GDPD4: variants seen among roughly 807,000 people sequenced by gnomAD.
GDPD4 encodes the protein glycerophosphodiester phosphodiesterase 6.
Under a neutral mutation model 67.8 loss-of-function variants are expected in GDPD4, and 60 were observed. That is an observed-to-expected ratio of 0.88 (90% CI 0.72 to 1.10). The LOEUF is 1.10. Among genes scored for constraint, GDPD4 ranks in the 50% least tolerant of loss-of-function variants. The pLI, the probability that GDPD4 is intolerant of heterozygous loss-of-function variation, is 0.00. For synonymous variants in GDPD4, 212 were observed against 210.9 expected (o/e 1.00, Z -0.04); for missense variants, 623 against 613.9 (o/e 1.01, Z -0.16).
chr11:77,247,606 A>G (rs118011633), intron 11 of GDPD4, among the ~76,000 whole-genome samples: 5,453 of 152,308 alleles, frequency 0.036, 142 homozygotes, highest in Non-Finnish European at 0.052. Flanking sequence ...AACAAGCTAG[A>G]AATGAAAATA....
At chr11:77,283,369 C>T (rs572712582) in intron 3 of GDPD4, among the ~76,000 whole-genome samples, 1 of 152,152 alleles carries the variant, frequency 6.6e-6, no homozygotes, top group African/African-American at 2.4e-5. Flanking sequence ...CTTACCACCA[C>T]CACGCTATTT....
intron 13 of GDPD4, among the ~76,000 whole-genome samples, chr11:77,243,446 T>G (rs752867037): frequency 8.6e-5 from 12 of 140,074 alleles, no homozygotes; most frequent in Middle Eastern, 3.8e-3. Flanking sequence ...GGTGAAAGAT[T>G]AGAGTACACA....
At chr11:77,217,827 C>G (rs1450515868) in intron 16 of GDPD4, among the ~76,000 whole-genome samples, 3 of 152,066 alleles carry the variant, frequency 2.0e-5, no homozygotes, top group Non-Finnish European at 2.9e-5. Context: ...CTACCAAAGA[C>G]AAATTAAAAA....
chr11:77,277,844 A>T (rs201525454), intron 4 of GDPD4, among the ~76,000 whole-genome samples: 233 of 136,366 alleles, frequency 1.7e-3, no homozygotes, highest in South Asian at 2.8e-3. Context: ...TCAATTTTAG[A>T]TCTTTCCTGC....
intron 13 of GDPD4, among the ~76,000 whole-genome samples, chr11:77,242,065 C>G (rs1419429205): frequency 2.1e-5 from 3 of 143,450 alleles, no homozygotes; most frequent in South Asian, 4.8e-4. Context: ...AATGTTGGGT[C>G]AAAAGGTATA....
At chr11:77,234,425 T>C (rs1958512342) in intron 13 of GDPD4, among the ~76,000 whole-genome samples, 1 of 152,196 alleles carries the variant, frequency 6.6e-6, no homozygotes, top group Non-Finnish European at 1.5e-5. Context: ...TGCATGATAC[T>C]GAGGTTTGAA....
intron 2 of GDPD4, among the ~76,000 whole-genome samples, chr11:77,285,835 A>G (rs1565543788): frequency 6.6e-6 from 1 of 152,226 alleles, no homozygotes; most frequent in Non-Finnish European, 1.5e-5. Context: ...ACTAGAACCC[A>G]GATCTGTGTA....
At chr11:77,236,887 T>C (rs1958579926) in intron 13 of GDPD4, among the ~76,000 whole-genome samples, 2 of 152,218 alleles carry the variant, frequency 1.3e-5, no homozygotes, top group Non-Finnish European at 2.9e-5. Context: ...GGAATAAGTC[T>C]TGATCTTGAG....
chr11:77,278,682 C>A (rs1281452959), intron 4 of GDPD4, among the ~76,000 whole-genome samples: 39 of 152,216 alleles, frequency 2.6e-4, no homozygotes, highest in Admixed American at 2.6e-3. Flanking sequence ...AGAAAGTTAT[C>A]TGCCCTATGT....
chr11:77,250,883 T>G (rs1196425907), intron 11 of GDPD4, among the ~76,000 whole-genome samples: 1 of 152,218 alleles, frequency 6.6e-6, no homozygotes, highest in Admixed American at 6.5e-5. Context: ...CTTGGTGAAT[T>G]GATCACTTTA....
chr11:77,222,893 C>T (rs1324065507), intron 16 of GDPD4, among the ~76,000 whole-genome samples: 2 of 152,216 alleles, frequency 1.3e-5, no homozygotes, highest in Admixed American at 1.3e-4. Flanking sequence ...TTGGTCTTTT[C>T]ACGTAGTCCC....
intron 5 of GDPD4, among the ~76,000 whole-genome samples, chr11:77,273,830 C>G (rs781117596): frequency 6.6e-6 from 1 of 152,190 alleles, no homozygotes; most frequent in East Asian, 1.9e-4. Context: ...CTATGATCAG[C>G]TAACCTACTC....
intron 3 of GDPD4, among the ~76,000 whole-genome samples, chr11:77,280,339 T>G (rs569696142): frequency 1.3e-5 from 2 of 152,162 alleles, no homozygotes; most frequent in East Asian, 3.9e-4. Context: ...AAAGGAATGA[T>G]TCACATCCAT....
At chr11:77,244,255 G>A (rs113041952) in intron 12 of GDPD4, among the ~76,000 whole-genome samples, 21 of 152,176 alleles carry the variant, frequency 1.4e-4, no homozygotes, top group South Asian at 2.1e-4. Flanking sequence ...GGATGGTCTC[G>A]ATCTCCTGAC....
chr11:77,218,184 A>G (rs1490691838), intron 16 of GDPD4, among the ~76,000 whole-genome samples: 2 of 151,630 alleles, frequency 1.3e-5, no homozygotes, highest in Middle Eastern at 3.2e-3. Context: ...CAATATCTTT[A>G]TAACTTTTCT....
At chr11:77,240,818 G>A (rs1958649226) in intron 13 of GDPD4, among the ~76,000 whole-genome samples, 3 of 152,060 alleles carry the variant, frequency 2.0e-5, no homozygotes, top group Admixed American at 1.3e-4. Flanking sequence ...AGCATATGAA[G>A]AAAACACTCA....
Position 77,216,567 on chromosome 11 carries a change from G to C in GDPD4, c.*710C>G, listed in dbSNP as rs1591519382. On this transcript the variant is annotated 3_prime_UTR_variant, in exon 17 of 17. Transcript: ENST00000315938. ...GACCACTACCTCTGGCTTCCTGAGA[G>C]GTTGCCTTTACTTATATGCACAGTC... 3.9e-6 allele frequency: 1 copy of C among 257,124 alleles called. No homozygotes were observed. Among genetic ancestry groups the C allele is most frequent in the East Asian group, 9.4e-5 (1 of 10,666 alleles). The allele number at this position is 257,124 out of a possible 1,614,324, so 15.9% of individuals were successfully genotyped here. A position where few individuals can be genotyped will look rare whatever the true frequency, so the allele number is the denominator to read the frequency against.
At chr11:77,246,937 TC>T (rs756880909) in intron 11 of GDPD4, among the ~76,000 whole-genome samples, 3 of 152,164 alleles carry the variant, frequency 2.0e-5, no homozygotes, top group Non-Finnish European at 4.4e-5. Context: ...AAAGGCTACC[TC>T]CCAGGAGAAG....
chr11:77,259,229 C>T lies in GDPD4; in HGVS notation c.708-687G>A, dbSNP rs1362100569. Reference sequence around the variant, plus strand: ...TCCTGGCCTCAAGTGATCCGCCCACCTCAGCCTCCCAAAGTGCTGGGATTA... The same window carrying T: ...TCCTGGCCTCAAGTGATCCGCCCACTTCAGCCTCCCAAAGTGCTGGGATTA... On this transcript the variant is annotated intron_variant, in intron 10 of 16. Transcript: ENST00000315938. Among the ~76,000 whole-genome samples, 9 of 152,308 alleles carry T rather than the reference C, an allele frequency of 5.9e-5. No homozygotes were observed. In the East Asian group the frequency reaches 1.7e-3, roughly 29 times the overall value.
Sources: allele counts gnomAD v4.1 joint callset (sites outside exome capture counted in the v4.1 genomes callset), GRCh38; gene constraint gnomAD v4.1.1; transcripts MANE v1.5; gene names NCBI Gene and HGNC (gene_info 2026-07-23, HGNC 2026-07-21).